The following ADAMTSL1 variants were observed in gnomAD, a reference collection of about 807,000 sequenced individuals.
ADAMTSL1 encodes ADAMTS-like protein 1.
Under a neutral mutation model 201.8 loss-of-function variants are expected in ADAMTSL1, and 126 were observed. That is an observed-to-expected ratio of 0.62 (90% confidence interval 0.54 to 0.72). The LOEUF (loss-of-function observed/expected upper bound fraction) is 0.72. ADAMTSL1 is among the 30% of genes least tolerant of loss of function. The pLI is 0.00. For synonymous variants in ADAMTSL1, 1,121 were observed against 903.4 expected, an observed-to-expected ratio of 1.24 and a Z score of -4.32; for missense variants, 2,679 against 2,277.8, an observed-to-expected ratio of 1.18 and a Z score of -3.59.
At chr9:18,701,212 C>CTTTTTT (rs35537367) in intron 13 of ADAMTSL1, among the ~76,000 whole-genome samples, 1 of 87,696 alleles carries the variant, frequency 1.1e-5, no homozygotes, top group African/African-American at 4.1e-5. Flanking sequence ...CTTTTGGGTT[C>CTTTTTT]TTTTTTTTTT....
At position 18,813,069 on chromosome 9, in the gene ADAMTSL1, G is replaced by C. The variant is rs112516290; in HGVS notation, c.3806-4040G>C. On this transcript the variant is annotated intron_variant, in intron 20 of 28. Coordinates refer to ENST00000380548, the MANE Select transcript of ADAMTSL1 (RefSeq NM_001040272.6). ...TGCAAACTCTGCCTCTTTGGTTCAA[G>C]TGATTCTCCTGCCTCAGCTTCCCAA... 4.4e-3 allele frequency among the ~76,000 whole-genome samples: 662 copies of C among 150,410 alleles called. 5 individuals carry two copies. Among genetic ancestry groups the C allele is most frequent in the African/African-American group, 0.015 (612 of 40,726 alleles).
chr9:18,559,691 T>C (rs528352910), intron 3 of ADAMTSL1, among the ~76,000 whole-genome samples: 2 of 152,214 alleles, frequency 1.3e-5, no homozygotes. Context: ...CATTGAGCAG[T>C]GGTTTGTAGT....
At chr9:18,770,477 G>C (rs903592504) in intron 16 of ADAMTSL1, 125 bp from the exon 17 acceptor site, 2 of 1,045,016 alleles carry the variant, frequency 1.9e-6, no homozygotes, top group East Asian at 2.6e-5. Flanking sequence ...CCGATTCCTG[G>C]TTTTTCTTCT....
chr9:18,785,728 T>A (rs950659825), intron 19 of ADAMTSL1, among the ~76,000 whole-genome samples: 3 of 152,184 alleles, frequency 2.0e-5, no homozygotes, highest in African/African-American at 7.2e-5. Flanking sequence ...CTTCTCTACA[T>A]CTAATACCAG....
At chr9:18,071,171 G>A (rs764819127) in intron 1 of ADAMTSL1, among the ~76,000 whole-genome samples, 4 of 152,202 alleles carry the variant, frequency 2.6e-5, no homozygotes, top group African/African-American at 7.2e-5. Flanking sequence ...TGTGGGGGAC[G>A]GCATGTCCCC....
intron 1 of ADAMTSL1, among the ~76,000 whole-genome samples, chr9:18,498,485 C>T (rs964073860): frequency 6.6e-6 from 1 of 151,944 alleles, no homozygotes; most frequent in Non-Finnish European, 1.5e-5. Flanking sequence ...TACAGGCAAG[C>T]GTCACCATGC....
At chr9:18,122,331 C>T (rs1825536706) in intron 1 of ADAMTSL1, among the ~76,000 whole-genome samples, 1 of 152,168 alleles carries the variant, frequency 6.6e-6, no homozygotes, top group Non-Finnish European at 1.5e-5. Flanking sequence ...GCAACAGCAG[C>T]AACAGGAAAC....
intron 13 of ADAMTSL1, among the ~76,000 whole-genome samples, chr9:18,687,985 C>T (rs571355302): frequency 2.9e-4 from 44 of 152,108 alleles, no homozygotes; most frequent in Non-Finnish European, 5.6e-4. Context: ...TTATATAAAG[C>T]TGAATCTTCA....
At chr9:18,501,036 G>A (rs921093130) in intron 1 of ADAMTSL1, among the ~76,000 whole-genome samples, 1 of 152,136 alleles carries the variant, frequency 6.6e-6, no homozygotes, top group African/African-American at 2.4e-5. Flanking sequence ...AAAAACATTG[G>A]CTGGCCTGTA....
At chr9:18,440,522 G>A (rs1016974924) in intron 2 of ADAMTSL1, among the ~76,000 whole-genome samples, 1 of 151,346 alleles carries the variant, frequency 6.6e-6, no homozygotes, top group South Asian at 2.1e-4. Flanking sequence ...CCTACTTTAT[G>A]AAAAGTATTT....
chr9:18,314,533 G>A (rs1014510974), intron 2 of ADAMTSL1, among the ~76,000 whole-genome samples: 1 of 150,502 alleles, frequency 6.6e-6, no homozygotes, highest in African/African-American at 2.5e-5. Context: ...GTCCAGAGTT[G>A]TTCCTTCCTC....
At chr9:18,502,562 G>T (rs764243532) in intron 1 of ADAMTSL1, among the ~76,000 whole-genome samples, 1 of 152,136 alleles carries the variant, frequency 6.6e-6, no homozygotes, top group African/African-American at 2.4e-5. Context: ...TGAAAACAGA[G>T]CACCTCTTAT....
At chr9:18,452,627 A>G (rs942158497) in intron 2 of ADAMTSL1, among the ~76,000 whole-genome samples, 1 of 152,214 alleles carries the variant, frequency 6.6e-6, no homozygotes, top group Non-Finnish European at 1.5e-5. Flanking sequence ...CCAAAATACA[A>G]TGGTGGACAG....
intron 3 of ADAMTSL1, among the ~76,000 whole-genome samples, chr9:18,552,083 A>G (rs1820828456): frequency 6.6e-6 from 1 of 151,766 alleles, no homozygotes; most frequent in Admixed American, 6.6e-5. Context: ...TGTTGAGCCT[A>G]TGGTTTTTAT....
At chr9:17,986,933 T>C (rs894004607) in intron 1 of ADAMTSL1, among the ~76,000 whole-genome samples, 7 of 152,108 alleles carry the variant, frequency 4.6e-5, no homozygotes, top group South Asian at 2.1e-4. Flanking sequence ...CTTCAGCAAA[T>C]TGGGTTTTCT....
At chr9:18,866,834 C>T (rs1193882743) in intron 23 of ADAMTSL1, among the ~76,000 whole-genome samples, 3 of 152,212 alleles carry the variant, frequency 2.0e-5, no homozygotes. Flanking sequence ...ACCATATCCT[C>T]TAGAGACCAA....
intron 21 of ADAMTSL1, among the ~76,000 whole-genome samples, chr9:18,818,871 G>C (rs2131194583): frequency 6.6e-6 from 1 of 152,214 alleles, no homozygotes; most frequent in Middle Eastern, 3.4e-3. Flanking sequence ...GCTTCTCATG[G>C]CCTTTGTGAT....
intron 23 of ADAMTSL1, among the ~76,000 whole-genome samples, chr9:18,878,987 C>G (rs553544368): frequency 8.3e-4 from 126 of 152,302 alleles, no homozygotes; most frequent in African/African-American, 3.0e-3. Context: ...CTAGGACCAA[C>G]TACTGACAAT....
At chr9:18,097,874 TGA>T (rs1824323909) in intron 1 of ADAMTSL1, among the ~76,000 whole-genome samples, 1 of 151,830 alleles carries the variant, frequency 6.6e-6, no homozygotes, top group Non-Finnish European at 1.5e-5. Flanking sequence ...GTTTTTTTTT[TGA>T]GTGTGTATAC....
Sources: allele counts gnomAD v4.1 joint callset (sites outside exome capture counted in the v4.1 genomes callset), GRCh38; gene constraint gnomAD v4.1.1; transcripts MANE v1.5; gene names NCBI Gene and HGNC (gene_info 2026-07-23, HGNC 2026-07-21).